GMDS: variants seen among roughly 807,000 people sequenced by gnomAD.
The protein encoded by GMDS is GDP-mannose 4,6-dehydratase, also known as GDP-mannose 4,6 dehydratase.
A neutral mutation model predicts 49.9 loss-of-function variants in GMDS; 20 were observed. That is an observed-to-expected ratio of 0.40 (90% CI 0.28 to 0.58). GMDS has a LOEUF of 0.58. GMDS is among the 20% of genes least tolerant of loss of function. GMDS has a pLI of 0.42. For synonymous variants in GMDS, 177 were observed against 178.6 expected (o/e 0.99, Z 0.07); for missense variants, 362 against 481.4 (o/e 0.75, Z 2.32).
intron 7 of GMDS, among the ~76,000 whole-genome samples, chr6:1,789,013 G>A (rs1014854837): frequency 6.6e-6 from 1 of 152,124 alleles, no homozygotes; most frequent in Non-Finnish European, 1.5e-5. Flanking sequence ...AACCTGAGGG[G>A]TCTCCACCTT....
intron 4 of GMDS, among the ~76,000 whole-genome samples, chr6:1,973,135 G>A (rs1764711827): frequency 6.6e-6 from 1 of 152,156 alleles, no homozygotes; most frequent in African/African-American, 2.4e-5. Flanking sequence ...ATCTGCACGT[G>A]TGTGACCTAA....
intron 9 of GMDS, among the ~76,000 whole-genome samples, chr6:1,686,425 G>T (rs1764978459): frequency 6.6e-6 from 1 of 152,182 alleles, no homozygotes; most frequent in Non-Finnish European, 1.5e-5. Flanking sequence ...GGTGTGGGGG[G>T]AAGCTGATGA....
At position 2,100,671 on chromosome 6, in the gene GMDS, C is replaced by T. The variant is rs116930988; in HGVS notation, c.345+15100G>A. 5.0e-4 allele frequency among the ~76,000 whole-genome samples: 76 copies of T among 151,868 alleles called. 2 individuals are homozygous for T. The East Asian group carries it at 0.012, about 24-fold the overall frequency. ...ACAGCAACAAAATCTATATCACTGA[C>T]GAGTCAAGATAGTATACATAGCATC... On this transcript the variant is annotated intron_variant, in intron 4 of 10. Transcript: ENST00000380815.
At chr6:2,017,101 A>ATCAAATT (rs1245379432) in intron 4 of GMDS, among the ~76,000 whole-genome samples, 11 of 152,200 alleles carry the variant, frequency 7.2e-5, no homozygotes, top group African/African-American at 2.7e-4. Flanking sequence ...AAATCAATGA[A>ATCAAATT]GCCAAAGGTA....
chr6:1,702,238 G>A (rs1235723344), intron 9 of GMDS, among the ~76,000 whole-genome samples: 1 of 152,244 alleles, frequency 6.6e-6, no homozygotes, highest in Non-Finnish European at 1.5e-5. Flanking sequence ...GAGAGCCTTG[G>A]AGAGAATTAC....
At chr6:2,061,801 C>A (rs537880615) in intron 4 of GMDS, among the ~76,000 whole-genome samples, 46 of 148,836 alleles carry the variant, frequency 3.1e-4, no homozygotes, top group Admixed American at 1.4e-3. Context: ...ATGATCATTA[C>A]AGATGCTTAT....
intron 7 of GMDS, among the ~76,000 whole-genome samples, chr6:1,825,841 C>T (rs948997232): frequency 1.3e-5 from 2 of 152,074 alleles, no homozygotes; most frequent in African/African-American, 4.8e-5. Flanking sequence ...CATGGCGAAA[C>T]CCCATCTCTA....
chr6:1,879,336 C>T (rs1759251832), intron 7 of GMDS, among the ~76,000 whole-genome samples: 1 of 152,170 alleles, frequency 6.6e-6, no homozygotes, highest in Admixed American at 6.5e-5. Context: ...TATCAGCATT[C>T]TCAGAAACCT....
intron 7 of GMDS, among the ~76,000 whole-genome samples, chr6:1,927,963 C>A (rs938603853): frequency 2.6e-5 from 4 of 152,226 alleles, no homozygotes; most frequent in African/African-American, 9.6e-5. Context: ...CCCTCACTAT[C>A]AAAATCTATT....
chr6:1,651,742 C>T (rs2569848), intron 9 of GMDS, among the ~76,000 whole-genome samples: 43,880 of 152,006 alleles, frequency 0.29, 6,467 homozygotes, highest in East Asian at 0.56. Context: ...CTTAGATAGA[C>T]CCATGAGCCC....
At chr6:1,935,833 A>C (rs1311694692) in intron 6 of GMDS, among the ~76,000 whole-genome samples, 2 of 152,234 alleles carry the variant, frequency 1.3e-5, no homozygotes, top group Non-Finnish European at 2.9e-5. Context: ...TAGACAACAA[A>C]AACTGCCACA....
At chr6:2,064,423 A>G (rs929227546) in intron 4 of GMDS, among the ~76,000 whole-genome samples, 1 of 152,168 alleles carries the variant, frequency 6.6e-6, no homozygotes, top group African/African-American at 2.4e-5. Context: ...GTATATTCTG[A>G]CCAATCATGC....
At chr6:1,760,589 G>A (rs781462680) in intron 7 of GMDS, among the ~76,000 whole-genome samples, 2 of 152,150 alleles carry the variant, frequency 1.3e-5, no homozygotes, top group Non-Finnish European at 2.9e-5. Context: ...ACCCTTGAGC[G>A]CCTCTAAAGA....
chr6:1,960,992 C>A, intron 4 of GMDS, 26 bp from the exon 5 acceptor site: 2 of 1,454,316 alleles, frequency 1.4e-6, no homozygotes, highest in Admixed American at 1.8e-5. Context: ...GGAGACAGGG[C>A]TGCATTAATA....
At chr6:1,647,311 C>T (rs1763515019) in intron 9 of GMDS, among the ~76,000 whole-genome samples, 1 of 152,154 alleles carries the variant, frequency 6.6e-6, no homozygotes, top group Non-Finnish European at 1.5e-5. Flanking sequence ...TTCGGAGTTT[C>T]ACTGGAGCCA....
intron 7 of GMDS, among the ~76,000 whole-genome samples, chr6:1,860,336 T>C (rs1758125111): frequency 6.6e-6 from 1 of 152,102 alleles, no homozygotes; most frequent in Non-Finnish European, 1.5e-5. Flanking sequence ...AAATCTCAAA[T>C]GCACATGTGA....
rs144500141 is a variant in GMDS, at chr6:1,899,234, C to T, written c.771+30869G>A. On this transcript the variant is annotated intron_variant, in intron 7 of 10. Coordinates refer to ENST00000380815, the MANE Select transcript of GMDS (RefSeq NM_001500.4). ...GATAGTCATTTATGGTGTTATTTTT[C>T]TTCTCCAATCTTACTTAGAATGTCA... Among the ~76,000 whole-genome samples the T allele has an allele frequency of 7.3e-3, 1,112 of 151,620 alleles. 7 individuals carry two copies. The highest frequency in any genetic ancestry group is 0.012 in the Non-Finnish European group (799 of 67,932).
chr6:2,156,617 C>A (rs1030137565), intron 1 of GMDS, among the ~76,000 whole-genome samples: 5 of 151,936 alleles, frequency 3.3e-5, no homozygotes, highest in African/African-American at 1.2e-4. Context: ...ATAAAAAAAA[C>A]TTAAATTTCA....
chr6:2,108,277 C>A (rs1010367078), intron 4 of GMDS, among the ~76,000 whole-genome samples: 6 of 152,074 alleles, frequency 3.9e-5, no homozygotes, highest in African/African-American at 1.2e-4. Context: ...ATTCTAACAA[C>A]GTCTTCATTA....
Sources: allele counts gnomAD v4.1 joint callset (sites outside exome capture counted in the v4.1 genomes callset), GRCh38; gene constraint gnomAD v4.1.1; transcripts MANE v1.5; gene names NCBI Gene and HGNC (gene_info 2026-07-23, HGNC 2026-07-21).